Variants in ZFHX3 observed in about 807,000 individuals in gnomAD.
ZFHX3 encodes the protein zinc finger homeobox 3, also known as zinc finger homeobox protein 3.
In ZFHX3, 42 loss-of-function variants were observed where a neutral mutation model predicts 279.1. That is an observed-to-expected ratio of 0.15 (90% CI 0.12 to 0.19). The LOEUF is 0.19. Ranked by LOEUF, ZFHX3 falls within the 10% of genes least tolerant of loss-of-function variation. The pLI is 1.00. For synonymous variants in ZFHX3, 2,293 were observed against 1,957.8 expected (o/e 1.17, Z -4.52); for missense variants, 4,981 against 4,754.0 (o/e 1.05, Z -1.40).
intron 4 of ZFHX3, among the ~76,000 whole-genome samples, chr16:73,295,200 G>A (rs576572484): frequency 6.6e-6 from 1 of 152,214 alleles, no homozygotes; most frequent in Admixed American, 6.5e-5. Context: ...GGGGGACAGA[G>A]CAGGACTCCG....
At chr16:73,632,400 G>A (rs2052482504) in intron 2 of ZFHX3, among the ~76,000 whole-genome samples, 1 of 152,108 alleles carries the variant, frequency 6.6e-6, no homozygotes, top group Non-Finnish European at 1.5e-5. Flanking sequence ...AAAGTCATAT[G>A]AGCCGGGTGC....
At chr16:73,478,482 C>A (rs570581092) in intron 2 of ZFHX3, among the ~76,000 whole-genome samples, 6 of 152,142 alleles carry the variant, frequency 3.9e-5, no homozygotes, top group African/African-American at 1.4e-4. Context: ...CCAAAGTGGA[C>A]AAGATGAAGA....
rs1384930991 is a variant in ZFHX3 at position 72,794,928 on chromosome 16, G to C, written c.7754C>G (p.Ala2585Gly). Residue 2585 changes from alanine (A) to glycine (G), a missense_variant, in exon 9 of 10, where the codon GCC becomes GGC. Transcript: ENST00000268489. The surrounding 1 kb of genome is among the most constrained non-coding windows in gnomAD (Gnocchi z 4.2). ...TATGGCCCCAGAGAGCAGCTGGCTG[G>C]CCAGGAGTGGGTTACTGGGATCAAA... is the stretch of plus-strand genomic sequence containing the variant. ...MLFDPSNPLL[A>G]SQLLSGAIPQ... is the part of the protein sequence containing the mutation. 2 of 1,614,150 alleles carry C rather than the reference G, an allele frequency of 1.2e-6. No homozygotes were observed. Among genetic ancestry groups the C allele is most frequent in the South Asian group, 2.2e-5 (2 of 91,080 alleles).
chr16:73,678,290 C>G (rs1005107298), intron 2 of ZFHX3, among the ~76,000 whole-genome samples: 1 of 152,092 alleles, frequency 6.6e-6, no homozygotes, highest in African/African-American at 2.4e-5. Flanking sequence ...GGGAGATGTT[C>G]AAGCCCTATT....
chr16:73,019,476 C>G (rs898695295), intron 1 of ZFHX3, among the ~76,000 whole-genome samples: 1 of 152,126 alleles, frequency 6.6e-6, no homozygotes, highest in Non-Finnish European at 1.5e-5. Context: ...ACTTCCTTAC[C>G]AAGGTGCCCA....
chr16:73,197,506 T>C (rs1008451401), intron 5 of ZFHX3, among the ~76,000 whole-genome samples: 1 of 152,228 alleles, frequency 6.6e-6, no homozygotes, highest in African/African-American at 2.4e-5. Flanking sequence ...GGATTGTATA[T>C]GCTCATGCAA....
chr16:73,298,313 T>C (rs1030108702), intron 4 of ZFHX3, among the ~76,000 whole-genome samples: 1 of 151,038 alleles, frequency 6.6e-6, no homozygotes, highest in Non-Finnish European at 1.5e-5. Context: ...GCCTCCCGAG[T>C]AGCTGGGATT....
Position 72,787,349 on chromosome 16 carries a change from A to C in ZFHX3, c.10927T>G (p.Ser3643Ala). The C allele has an allele frequency of 6.2e-7, 1 of 1,612,870 alleles. No homozygotes were observed. The highest frequency in any genetic ancestry group is 8.5e-7 in the Non-Finnish European group (1 of 1,179,558). The change falls in exon 10 of 10, where the codon TCA (serine) becomes GCA (alanine). Residue 3643 changes from serine (S) to alanine (A), a missense_variant. By Grantham distance (99) the Ser-to-Ala change is moderately conservative. Coordinates refer to ENST00000268489, the MANE Select transcript of ZFHX3 (RefSeq NM_006885.4). ...ACCCCTGAGGTGCTGCATGAACTTG[A>C]GGTAACCGTTGAAGATGAGGAGAGA... is the stretch of plus-strand genomic sequence containing the variant. ...PPLSSSSTVTSSSCSTSGVQP... is the reference protein window; with the variant it reads ...PPLSSSSTVTASSCSTSGVQP...
At chr16:73,476,725 A>T (rs1028338828) in intron 2 of ZFHX3, among the ~76,000 whole-genome samples, 1 of 152,180 alleles carries the variant, frequency 6.6e-6, no homozygotes, top group Non-Finnish European at 1.5e-5. Context: ...GCTTCACCAA[A>T]GTTTGGGTGG....
At chr16:73,538,420 CATT>C (rs1209143412) in intron 2 of ZFHX3, among the ~76,000 whole-genome samples, 1 of 152,152 alleles carries the variant, frequency 6.6e-6, no homozygotes, top group Non-Finnish European at 1.5e-5. Context: ...AAGGTATCAT[CATT>C]AATTGCGTGA....
intron 4 of ZFHX3, among the ~76,000 whole-genome samples, chr16:73,294,682 G>A (rs577463771): frequency 6.6e-6 from 1 of 151,920 alleles, no homozygotes; most frequent in Admixed American, 6.6e-5. Context: ...GTGGTTGTGG[G>A]TGCCTGTAAT....
At chr16:73,689,024 A>C (rs2053120410) in intron 1 of ZFHX3, among the ~76,000 whole-genome samples, 2 of 152,190 alleles carry the variant, frequency 1.3e-5, no homozygotes, top group Admixed American at 1.3e-4. Flanking sequence ...CTTTATCAGC[A>C]GCGTGAAAAC....
intron 3 of ZFHX3, among the ~76,000 whole-genome samples, chr16:72,915,639 T>C (rs1262365879): frequency 6.6e-6 from 1 of 152,060 alleles, no homozygotes; most frequent in Non-Finnish European, 1.5e-5. Context: ...CATGCATGCC[T>C]GTGGTTCCAG....
Position 72,960,093 on chromosome 16 carries a change from A to G in ZFHX3, c.53T>C (p.Ile18Thr), listed in dbSNP as rs1397685131. Residue 18 changes from isoleucine to threonine, a missense_variant, in exon 2 of 10, where the codon ATC (isoleucine) becomes ACC (threonine). Ile to Thr is a moderately conservative substitution (Grantham distance 89). Around this residue, in one of 7 missense-constraint regions of ZFHX3, gnomAD observed 1,068 missense variants for 935.2 expected, o/e 1.14. Transcript: ENST00000268489. ...TTCAGTCCATTGCTGGTGCTGAGGG[A>G]TACCGCACCCATTGTCCTTCCCCGA... Reference protein sequence around the residue: ...VVSGKDNGCGIPQHQQWTELN... With the variant: ...VVSGKDNGCGTPQHQQWTELN... 8.1e-6 allele frequency: 13 copies of G among 1,609,228 alleles called. No homozygotes were observed. Among genetic ancestry groups the G allele is most frequent in the Non-Finnish European group, 1.1e-5 (13 of 1,178,066 alleles).
At chr16:73,079,029 T>G (rs182656721) in intron 8 of ZFHX3, among the ~76,000 whole-genome samples, 10 of 152,260 alleles carry the variant, frequency 6.6e-5, no homozygotes, top group African/African-American at 1.7e-4. Context: ...CTCCTCTTTT[T>G]CATCATGAAA....
chr16:73,528,894 C>T (rs2019742403), intron 2 of ZFHX3, among the ~76,000 whole-genome samples: 1 of 152,178 alleles, frequency 6.6e-6, no homozygotes, highest in Non-Finnish European at 1.5e-5. Flanking sequence ...ACATCAACCT[C>T]CTGGATGCAG....
At chr16:73,598,611 AG>A (rs1029102651) in intron 2 of ZFHX3, among the ~76,000 whole-genome samples, 8 of 151,632 alleles carry the variant, frequency 5.3e-5, no homozygotes, top group Non-Finnish European at 8.8e-5. Context: ...GTAGAGTCAG[AG>A]TCTCTCTGTG....
At chr16:73,442,506 T>A (rs532627007) in intron 3 of ZFHX3, among the ~76,000 whole-genome samples, 42 of 152,254 alleles carry the variant, frequency 2.8e-4, no homozygotes, top group Non-Finnish European at 5.7e-4. Context: ...ATCTTTAGTA[T>A]CTTTTGTGTG....
At chr16:72,802,772 A>G (rs1440283523) in intron 7 of ZFHX3, among the ~76,000 whole-genome samples, 1 of 152,122 alleles carries the variant, frequency 6.6e-6, no homozygotes, top group African/African-American at 2.4e-5. Context: ...CCCTTTGCCC[A>G]TTCTTCCCTC....
Sources: allele counts gnomAD v4.1 joint callset (sites outside exome capture counted in the v4.1 genomes callset), GRCh38; gene constraint gnomAD v4.1.1; regional missense constraint gnomAD v4.1.1; non-coding constraint Gnocchi (gnomAD v3.1); transcripts MANE v1.5; gene names NCBI Gene and HGNC (gene_info 2026-07-23, HGNC 2026-07-21).